DNAJC5B: variants seen among roughly 807,000 people sequenced by gnomAD.
DNAJC5B encodes dnaJ homolog subfamily C member 5B.
A neutral mutation model predicts 24.7 loss-of-function variants in DNAJC5B; 23 were observed. That is an observed-to-expected ratio of 0.93 (90% CI 0.67 to 1.32). The LOEUF is 1.32. Ranked by LOEUF, DNAJC5B falls within the 40% of genes most tolerant of loss-of-function variation. The probability of loss-of-function intolerance (pLI) is 0.00; values close to 1 mark genes in which losing one functional copy is unlikely to be tolerated. For missense variants in DNAJC5B, 238 were observed against 240.8 expected, an observed-to-expected ratio of 0.99 and a Z score of 0.08; for synonymous variants, 101 against 90.1, an observed-to-expected ratio of 1.12 and a Z score of -0.68.
At chr8:66,035,438 G>C (rs565683541) in intron 1 of DNAJC5B, among the ~76,000 whole-genome samples, 1 of 152,180 alleles carries the variant, frequency 6.6e-6, no homozygotes, top group Non-Finnish European at 1.5e-5. Context: ...CCCTTAATCC[G>C]ATATGACTGG....
chr8:66,099,813 TTGATATCTTA>T, intron 5 of DNAJC5B, 114 bp from the exon 6 acceptor site: 1 of 769,072 alleles, frequency 1.3e-6, no homozygotes, highest in Non-Finnish European at 2.1e-6. Flanking sequence ...GGTAGGTATA[TTGATATCTTA>T]TGAATTGAGT....
At chr8:66,063,060 A>T (rs1438745617) in intron 3 of DNAJC5B, among the ~76,000 whole-genome samples, 1 of 152,194 alleles carries the variant, frequency 6.6e-6, no homozygotes, top group Non-Finnish European at 1.5e-5. Flanking sequence ...GCACATTAGC[A>T]CTTGGGTCTC....
intron 3 of DNAJC5B, among the ~76,000 whole-genome samples, chr8:66,075,389 C>G (rs191700116): frequency 6.6e-6 from 1 of 152,052 alleles, no homozygotes; most frequent in Non-Finnish European, 1.5e-5. Flanking sequence ...GGGGGAAATG[C>G]TGCAATTCCT....
intron 3 of DNAJC5B, among the ~76,000 whole-genome samples, chr8:66,055,277 CA>C (rs1341948186): frequency 6.6e-6 from 1 of 152,146 alleles, no homozygotes; most frequent in Admixed American, 6.5e-5. Context: ...GCAAGTTATT[CA>C]AAATGTATGA....
intron 5 of DNAJC5B, among the ~76,000 whole-genome samples, chr8:66,084,456 T>A: frequency 6.6e-6 from 1 of 152,134 alleles, no homozygotes. Context: ...ACTTGGGGAA[T>A]CCTTCATTCT....
chr8:66,094,187 T>G (rs1254735141), intron 5 of DNAJC5B, among the ~76,000 whole-genome samples: 1 of 152,136 alleles, frequency 6.6e-6, no homozygotes, highest in African/African-American at 2.4e-5. Flanking sequence ...ATCAGGTTTT[T>G]GTCAAGTTAT....
intron 3 of DNAJC5B, among the ~76,000 whole-genome samples, chr8:66,054,290 A>G (rs970965927): frequency 1.3e-5 from 2 of 152,198 alleles, no homozygotes; most frequent in African/African-American, 4.8e-5. Context: ...GTTTAAAATT[A>G]GGCAAATTTG....
At chr8:66,024,404 C>CTT (rs989285742) in intron 1 of DNAJC5B, among the ~76,000 whole-genome samples, 11,976 of 109,194 alleles carry the variant, frequency 0.11, 630 homozygotes, top group Middle Eastern at 0.15. Flanking sequence ...TTTCAGGATT[C>CTT]TTTTTTTTTT....
At chr8:66,093,232 G>C (rs1807883564) in intron 5 of DNAJC5B, among the ~76,000 whole-genome samples, 1 of 152,190 alleles carries the variant, frequency 6.6e-6, no homozygotes, top group African/African-American at 2.4e-5. Flanking sequence ...GTGCATGAAT[G>C]CTAGAGTTTT....
chr8:66,037,572 C>T (rs959020757), intron 1 of DNAJC5B, among the ~76,000 whole-genome samples: 3 of 152,208 alleles, frequency 2.0e-5, no homozygotes, highest in African/African-American at 7.2e-5. Flanking sequence ...CCAGATGACA[C>T]AACTCATTCA....
chr8:66,061,767 T>C (rs972809784), intron 3 of DNAJC5B, among the ~76,000 whole-genome samples: 2 of 152,046 alleles, frequency 1.3e-5, no homozygotes, highest in Non-Finnish European at 2.9e-5. Flanking sequence ...TTTGCATCTG[T>C]TTAATCTTAT....
In DNAJC5B at chr8:66,051,542, T is replaced by C; in HGVS notation, c.-6T>C. 1 of 1,608,210 alleles carries C rather than the reference T, an allele frequency of 6.2e-7. No homozygotes were observed. The highest frequency in any genetic ancestry group is 2.2e-5 in the East Asian group (1 of 44,846). On this transcript the variant is annotated 5_prime_UTR_variant, in exon 3 of 6. Coordinates refer to ENST00000276570, the MANE Select transcript of DNAJC5B (RefSeq NM_033105.6). ...TTTCTCCCCTTTAGTTTTGCAGCCT[T>C]AGAAAATGGCATGTAACATACCTAA... is the stretch of plus-strand genomic sequence containing the variant.
Position 66,080,501 on chromosome 8 carries a change from T to G in DNAJC5B, c.458T>G (p.Val153Gly), listed in dbSNP as rs769462328. ...TCAGTGCCAGAAGAGGACTTCTATG[T>G]GTCCCCAGAGGATCTGGAGGAGCAG... ...ESSVPEEDFYVSPEDLEEQIK... is the reference protein window; with the variant it reads ...ESSVPEEDFYGSPEDLEEQIK... The change falls in exon 5 of 6, where the codon GTG becomes GGG. Residue 153 changes from valine to glycine, a missense_variant. Val to Gly is a moderately radical substitution (Grantham distance 109). Coordinates refer to ENST00000276570, the MANE Select transcript of DNAJC5B (RefSeq NM_033105.6). 2.5e-6 allele frequency: 4 copies of G among 1,613,712 alleles called. No homozygotes were observed. Among genetic ancestry groups the G allele is most frequent in the Non-Finnish European group, 3.4e-6 (4 of 1,179,866 alleles).
At chr8:66,023,319 T>C (rs1806182362) in intron 1 of DNAJC5B, among the ~76,000 whole-genome samples, 1 of 152,220 alleles carries the variant, frequency 6.6e-6, no homozygotes, top group African/African-American at 2.4e-5. Context: ...AAATCTCATT[T>C]ATCACCTTGG....
chr8:66,073,475 G>A (rs1264166166), intron 3 of DNAJC5B, among the ~76,000 whole-genome samples: 2 of 148,594 alleles, frequency 1.3e-5, no homozygotes, highest in Non-Finnish European at 2.9e-5. Context: ...GTGTGAATGT[G>A]CATGTGTTCA....
At chr8:66,057,190 A>G (rs1007573734) in intron 3 of DNAJC5B, 13 of 152,158 alleles carry the variant, frequency 8.5e-5, no homozygotes, top group African/African-American at 2.9e-4. Flanking sequence ...ACAAGTAACG[A>G]CAAATTCTCT....
intron 3 of DNAJC5B, among the ~76,000 whole-genome samples, chr8:66,054,985 C>A (rs924395312): frequency 6.6e-6 from 1 of 152,166 alleles, no homozygotes; most frequent in Non-Finnish European, 1.5e-5. Flanking sequence ...TGACATCCAA[C>A]TTCCTTGTAA....
At chr8:66,044,192 T>G (rs1806677140) in intron 2 of DNAJC5B, among the ~76,000 whole-genome samples, 1 of 152,192 alleles carries the variant, frequency 6.6e-6, no homozygotes, top group Non-Finnish European at 1.5e-5. Context: ...ATTTGCATTT[T>G]GGAAGTTCAT....
In DNAJC5B at chr8:66,042,739, G is replaced by A. The variant is rs370857202; in HGVS notation, c.-141-749G>A. 1.2e-4 allele frequency among the ~76,000 whole-genome samples: 14 copies of A among 120,752 alleles called. No individual in the cohort carries two copies. The South Asian group carries it at 2.9e-3, about 25-fold the overall frequency. 79.2% of individuals were successfully genotyped at this position (120,752 alleles called of 152,430 possible). On this transcript the variant is annotated intron_variant, in intron 1 of 5. Coordinates refer to ENST00000276570, the MANE Select transcript of DNAJC5B (RefSeq NM_033105.6). ...CCCCCTCCTCGCACCCCTCTTCTTC[G>A]TCTTCTTCTTCCTCTTCTGTGATGA...
Sources: allele counts gnomAD v4.1 joint callset (sites outside exome capture counted in the v4.1 genomes callset), GRCh38; gene constraint gnomAD v4.1.1; transcripts MANE v1.5; gene names NCBI Gene and HGNC (gene_info 2026-07-23, HGNC 2026-07-21).